The following UCHL3 variants were observed in gnomAD, a reference collection of about 807,000 sequenced individuals.
UCHL3 encodes the protein ubiquitin C-terminal hydrolase L3.
In UCHL3, 22 loss-of-function variants were observed where a neutral mutation model predicts 35.8. The ratio of observed to expected loss-of-function variants is 0.61; its 90% confidence interval spans 0.44 to 0.88. The LOEUF (loss-of-function observed/expected upper bound fraction) is 0.88. UCHL3 is among the 40% of genes least tolerant of loss of function. UCHL3 has a pLI of 0.00. For missense variants in UCHL3, 229 were observed against 276.9 expected, an observed-to-expected ratio of 0.83 and a Z score of 1.23; for synonymous variants, 90 against 92.8, an observed-to-expected ratio of 0.97 and a Z score of 0.17.
chr13:75,568,214 T>C (rs1162148245), intron 5 of UCHL3, among the ~76,000 whole-genome samples: 1 of 152,168 alleles, frequency 6.6e-6, no homozygotes, highest in Non-Finnish European at 1.5e-5. Flanking sequence ...TTAAATAGAT[T>C]GTAAGTTCTT....
intron 6 of UCHL3, chr13:75,590,176 TC>T: frequency 8.3e-6 from 10 of 1,204,956 alleles, no homozygotes; most frequent in South Asian, 7.6e-5. Context: ...ACAAGGGCTG[TC>T]TTTTTTTTTT....
At chr13:75,568,292 T>A (rs2031747939) in intron 5 of UCHL3, among the ~76,000 whole-genome samples, 1 of 152,140 alleles carries the variant, frequency 6.6e-6, no homozygotes, top group Non-Finnish European at 1.5e-5. Context: ...TTGTGCCTGA[T>A]AAATTAATTG....
At position 75,566,691 on chromosome 13, in the gene UCHL3, A is replaced by G. The variant is rs762931872; in HGVS notation, c.184-4A>G. On this transcript the variant is annotated splice_region_variant and splice_polypyrimidine_tract_variant and intron_variant, in intron 3 of 8. Coordinates refer to ENST00000377595, the MANE Select transcript of UCHL3 (RefSeq NM_006002.5). ...ATACACTGTTGACTTTTTTTTTTTA[A>G]TAGTATGAAGTATTCAGAACAGAAG... 7.0e-7 allele frequency: 1 copy of G among 1,435,084 alleles called. No homozygotes were observed. Among genetic ancestry groups the G allele is most frequent in the Non-Finnish European group, 9.2e-7 (1 of 1,084,792 alleles). The allele number at this position is 1,435,084 out of a possible 1,614,324, so 88.9% of individuals were successfully genotyped here.
At chr13:75,569,546 T>C (rs775637724) in intron 6 of UCHL3, 39 bp downstream of exon 6, 43 of 1,553,830 alleles carry the variant, frequency 2.8e-5, no homozygotes, top group Non-Finnish European at 3.6e-5. Flanking sequence ...TGCTATAAAT[T>C]TAACCATATA....
At chr13:75,550,414 CCA>C (rs1566205565) in intron 2 of UCHL3, among the ~76,000 whole-genome samples, 2 of 152,310 alleles carry the variant, frequency 1.3e-5, no homozygotes, top group Admixed American at 1.3e-4. Flanking sequence ...GTAATTTCAT[CCA>C]CCGCCTGCAC....
chr13:75,556,556 T>A (rs898497198), intron 2 of UCHL3, among the ~76,000 whole-genome samples: 14 of 152,342 alleles, frequency 9.2e-5, no homozygotes, highest in Admixed American at 7.8e-4. Context: ...GAATTTTATC[T>A]ATTTTTTTAA....
At chr13:75,594,140 A>G (rs1040275047) in intron 6 of UCHL3, among the ~76,000 whole-genome samples, 5 of 152,220 alleles carry the variant, frequency 3.3e-5, no homozygotes, top group East Asian at 1.9e-4. Context: ...TCGACTTTGC[A>G]TATGTTATTT....
At chr13:75,603,717 T>C (rs1449808510) in intron 7 of UCHL3, among the ~76,000 whole-genome samples, 4 of 152,084 alleles carry the variant, frequency 2.6e-5, no homozygotes, top group African/African-American at 9.7e-5. Context: ...TTGAGAAATA[T>C]ACATTATAAT....
At chr13:75,577,488 T>C (rs2032059574) in intron 6 of UCHL3, among the ~76,000 whole-genome samples, 1 of 152,210 alleles carries the variant, frequency 6.6e-6, no homozygotes, top group South Asian at 2.1e-4. Context: ...TCTGTGGATT[T>C]TGGTGTCTTC....
intron 6 of UCHL3, among the ~76,000 whole-genome samples, chr13:75,592,443 T>TACATATATAC (rs1242637038): frequency 1.1e-4 from 9 of 78,440 alleles, no homozygotes; most frequent in Non-Finnish European, 1.8e-4. Flanking sequence ...TATATATATA[T>TACATATATAC]ATATATATAT....
intron 6 of UCHL3, among the ~76,000 whole-genome samples, chr13:75,583,498 A>T (rs1360234963): frequency 6.6e-6 from 1 of 152,216 alleles, no homozygotes; most frequent in Non-Finnish European, 1.5e-5. Flanking sequence ...TATGTACCTT[A>T]TAGGATTATT....
chr13:75,560,595 C>T (rs1488915503), intron 2 of UCHL3, among the ~76,000 whole-genome samples, 158 bp from the exon 3 acceptor site: 9 of 152,176 alleles, frequency 5.9e-5, no homozygotes, highest in Non-Finnish European at 2.9e-5. Context: ...TGCATTCCTA[C>T]TGAATGTCAG....
At chr13:75,551,372 A>C (rs1235719555) in intron 2 of UCHL3, among the ~76,000 whole-genome samples, 1 of 150,880 alleles carries the variant, frequency 6.6e-6, no homozygotes, top group South Asian at 2.1e-4. Context: ...CGGAGGTTGC[A>C]TTGAGCCGAG....
chr13:75,550,028 C>T, intron 2 of UCHL3, 41 bp downstream of exon 2: 2 of 1,614,148 alleles, frequency 1.2e-6, no homozygotes, highest in Non-Finnish European at 1.7e-6. Context: ...GGAGTCTTTT[C>T]TGTCTGCTCG....
At chr13:75,551,947 A>G (rs1040695179) in intron 2 of UCHL3, among the ~76,000 whole-genome samples, 3 of 152,214 alleles carry the variant, frequency 2.0e-5, no homozygotes, top group African/African-American at 7.2e-5. Flanking sequence ...ACAAGCAAAC[A>G]AGTCATTAGC....
chr13:75,583,868 C>T (rs1240879417), intron 6 of UCHL3, among the ~76,000 whole-genome samples: 1 of 152,042 alleles, frequency 6.6e-6, no homozygotes, highest in Non-Finnish European at 1.5e-5. Context: ...AGTAGGCTAC[C>T]ATAAGACTAT....
At chr13:75,566,995 T>C (rs1271604133) in intron 4 of UCHL3, 144 bp downstream of exon 4, 7 of 1,025,158 alleles carry the variant, frequency 6.8e-6, no homozygotes, top group Non-Finnish European at 8.4e-6. Context: ...TATATACTGT[T>C]AGAAGAAATA....
At chr13:75,576,305 C>T (rs1566219083) in intron 6 of UCHL3, among the ~76,000 whole-genome samples, 1 of 152,194 alleles carries the variant, frequency 6.6e-6, no homozygotes, top group African/African-American at 2.4e-5. Flanking sequence ...TCTCTGCTCA[C>T]TGCAACGTCT....
intron 6 of UCHL3, among the ~76,000 whole-genome samples, chr13:75,577,514 C>T (rs2032060715): frequency 6.6e-6 from 1 of 152,042 alleles, no homozygotes; most frequent in Non-Finnish European, 1.5e-5. Context: ...GGTCCTGAAA[C>T]CAATAGTCCG....
Sources: gnomAD v4.1 joint callset for allele counts (sites outside exome capture counted in the v4.1 genomes callset) on GRCh38, gnomAD v4.1.1 for gene constraint, MANE v1.5 for transcripts, NCBI Gene and HGNC (gene_info 2026-07-23, HGNC 2026-07-21) for gene names.